Variants in DAB1 observed in about 807,000 individuals in gnomAD.
DAB1 encodes the protein DAB adaptor protein 1, also known as disabled homolog 1.
DAB1 carries 15 observed loss-of-function variants against 64.6 expected under a neutral mutation model. The ratio of observed to expected loss-of-function variants is 0.23; its 90% CI spans 0.16 to 0.36. DAB1 has a LOEUF of 0.36. Ranked by LOEUF, DAB1 falls within the 10% of genes least tolerant of loss-of-function variation. DAB1 has a pLI of 1.00. For synonymous variants in DAB1, 235 were observed against 251.9 expected, an observed-to-expected ratio of 0.93 and a Z score of 0.64; for missense variants, 596 against 706.7, an observed-to-expected ratio of 0.84 and a Z score of 1.78.
At chr1:57,659,298 G>C (rs184973227) in intron 6 of DAB1, among the ~76,000 whole-genome samples, 1 of 152,094 alleles carries the variant, frequency 6.6e-6, no homozygotes, top group Non-Finnish European at 1.5e-5. Flanking sequence ...TCATTTGAGA[G>C]ATCAAATACA....
chr1:57,864,931 C>A (rs1654230525), intron 1 of DAB1: 1 of 152,024 alleles, frequency 6.6e-6, no homozygotes, highest in African/African-American at 2.4e-5. Context: ...CAAAGAAGTC[C>A]CTGTAATTAG....
At chr1:57,406,722 C>T (rs944863799) in intron 1 of DAB1, among the ~76,000 whole-genome samples, 3 of 152,222 alleles carry the variant, frequency 2.0e-5, no homozygotes, top group African/African-American at 7.2e-5. Flanking sequence ...AAACACATGC[C>T]TTTCTGTCAA....
chr1:57,689,882 A>G (rs1646743131), intron 6 of DAB1, among the ~76,000 whole-genome samples: 1 of 152,176 alleles, frequency 6.6e-6, no homozygotes, highest in South Asian at 2.1e-4. Context: ...TCCATTAACT[A>G]TCCCTGTCTC....
chr1:58,143,253 A>C (rs920790239), intron 5 of DAB1, among the ~76,000 whole-genome samples: 1 of 152,166 alleles, frequency 6.6e-6, no homozygotes, highest in Non-Finnish European at 1.5e-5. Context: ...ACAGCCCCTA[A>C]CATGCTGGTA....
intron 11 of DAB1, among the ~76,000 whole-genome samples, chr1:57,016,238 T>C (rs1570503954): frequency 6.6e-6 from 1 of 152,086 alleles, no homozygotes; most frequent in South Asian, 2.1e-4. Context: ...TAGCGAGAGG[T>C]ATTATGCATG....
At chr1:58,301,687 C>T (rs1662173442) in intron 4 of DAB1, among the ~76,000 whole-genome samples, 1 of 152,126 alleles carries the variant, frequency 6.6e-6, no homozygotes, top group African/African-American at 2.4e-5. Flanking sequence ...GGAAAGAGCT[C>T]ACACAAGGAA....
At chr1:58,482,370 T>C (rs1645502424) in intron 3 of DAB1, among the ~76,000 whole-genome samples, 1 of 152,172 alleles carries the variant, frequency 6.6e-6, no homozygotes, top group Admixed American at 6.5e-5. Context: ...GATGGCAGGG[T>C]TGAGGGACTG....
chr1:58,507,853 T>C (rs1364206572), intron 2 of DAB1, among the ~76,000 whole-genome samples: 1 of 152,098 alleles, frequency 6.6e-6, no homozygotes, highest in African/African-American at 2.4e-5. Flanking sequence ...CTCAAATAAT[T>C]CATAAAAATA....
At chr1:57,523,304 T>C (rs766790773) in intron 7 of DAB1, among the ~76,000 whole-genome samples, 1 of 152,142 alleles carries the variant, frequency 6.6e-6, no homozygotes, top group African/African-American at 2.4e-5. Flanking sequence ...ATACAAATAT[T>C]TGGAAGGAGG....
At chr1:57,612,453 G>A (rs1477303394) in intron 7 of DAB1, among the ~76,000 whole-genome samples, 1 of 152,070 alleles carries the variant, frequency 6.6e-6, no homozygotes, top group Non-Finnish European at 1.5e-5. Flanking sequence ...TCTTATTAAA[G>A]GGAGATGCAG....
chr1:58,383,105 A>G (rs72669836), intron 3 of DAB1, among the ~76,000 whole-genome samples: 14,020 of 151,968 alleles, frequency 0.092, 670 homozygotes, highest in Middle Eastern at 0.13. Context: ...TACATAAAGT[A>G]TTTTCACTAT....
At chr1:57,878,563 A>T (rs1194456114) in intron 1 of DAB1, 1 of 152,208 alleles carries the variant, frequency 6.6e-6, no homozygotes, top group African/African-American at 2.4e-5. Flanking sequence ...GGATGGACAC[A>T]ATAATTATAT....
intron 3 of DAB1, among the ~76,000 whole-genome samples, chr1:58,421,510 G>T (rs1262238753): frequency 6.6e-6 from 1 of 152,180 alleles, no homozygotes. Context: ...ATCTTCTTTA[G>T]AGGAAAAGTG....
chr1:57,619,496 G>C (rs1253272798), intron 7 of DAB1, among the ~76,000 whole-genome samples: 1 of 152,092 alleles, frequency 6.6e-6, no homozygotes, highest in African/African-American at 2.4e-5. Flanking sequence ...AAACTCCTGG[G>C]CTCAGGTGAT....
At chr1:58,530,381 T>A (rs1646415986) in intron 1 of DAB1, among the ~76,000 whole-genome samples, 1 of 152,214 alleles carries the variant, frequency 6.6e-6, no homozygotes, top group African/African-American at 2.4e-5. Flanking sequence ...CAAGCCCTTC[T>A]AACTCTCCAT....
intron 1 of DAB1, among the ~76,000 whole-genome samples, chr1:58,541,293 C>CAAAAAAAAAAAAAAAAAAAAAAAAAAAAA (rs71043292): frequency 3.6e-5 from 1 of 27,560 alleles, no homozygotes. Context: ...GACTCTGTCT[C>CAAAAAAAAAAAAAAAAAAAAAAAAAAAAA]AAAAAAAAAA....
At chr1:58,251,934 A>C (rs2100406452) in intron 4 of DAB1, among the ~76,000 whole-genome samples, 1 of 152,300 alleles carries the variant, frequency 6.6e-6, no homozygotes, top group Admixed American at 6.5e-5. Context: ...CCACAACCAC[A>C]GCAACTTCCC....
chr1:57,354,435 A>T (rs2100871657), intron 1 of DAB1, among the ~76,000 whole-genome samples: 1 of 152,176 alleles, frequency 6.6e-6, no homozygotes, highest in South Asian at 2.1e-4. Context: ...TACTATTCTG[A>T]TTTGAAAGTA....
chr1:58,024,771 T>C (rs1245042853), intron 5 of DAB1, among the ~76,000 whole-genome samples: 1 of 152,184 alleles, frequency 6.6e-6, no homozygotes, highest in Non-Finnish European at 1.5e-5. Context: ...CCTTTTCTAA[T>C]GTGTGTGGGC....
Sources: gnomAD v4.1 joint callset for allele counts (sites outside exome capture counted in the v4.1 genomes callset) on GRCh38, gnomAD v4.1.1 for gene constraint, MANE v1.5 for transcripts, NCBI Gene and HGNC (gene_info 2026-07-23, HGNC 2026-07-21) for gene names.